Variants in FHIT observed in about 807,000 individuals in gnomAD.
FHIT encodes the protein fragile histidine triad diadenosine triphosphatase.
Under a neutral mutation model 17.9 loss-of-function variants are expected in FHIT, and 19 were observed. That is an observed-to-expected ratio of 1.06 (90% CI 0.74 to 1.56). The LOEUF (loss-of-function observed/expected upper bound fraction) is 1.56, where lower values mean the gene tolerates loss of function less well. Ranked by LOEUF, FHIT falls within the 40% of genes most tolerant of loss-of-function variation. The pLI, the probability that FHIT is intolerant of heterozygous loss-of-function variation, is 0.00. For missense variants in FHIT, 248 were observed against 189.2 expected (o/e 1.31, Z -1.82); for synonymous variants, 81 against 69.7 (o/e 1.16, Z -0.81).
chr3:60,446,469 C>T (rs141516681), intron 5 of FHIT, among the ~76,000 whole-genome samples: 10 of 152,280 alleles, frequency 6.6e-5, no homozygotes, highest in African/African-American at 2.4e-4. Flanking sequence ...GGTTTACACA[C>T]ACTCCATAGG....
intron 5 of FHIT, among the ~76,000 whole-genome samples, chr3:60,462,960 G>A (rs957080833): frequency 2.6e-5 from 4 of 152,146 alleles, no homozygotes; most frequent in African/African-American, 7.2e-5. Flanking sequence ...GATGTGCACT[G>A]ACCACCTCTG....
chr3:60,095,665 G>T (rs1264072173), intron 5 of FHIT, among the ~76,000 whole-genome samples: 1 of 152,206 alleles, frequency 6.6e-6, no homozygotes, highest in East Asian at 1.9e-4. Flanking sequence ...TTTCAATACA[G>T]ATGTTTTTCT....
intron 5 of FHIT, among the ~76,000 whole-genome samples, chr3:60,067,946 C>T (rs755462137): frequency 2.6e-5 from 4 of 152,134 alleles, no homozygotes; most frequent in African/African-American, 9.7e-5. Context: ...TTCAACAAAT[C>T]ACTCAGGGGC....
chr3:60,903,818 G>A (rs17632419), intron 3 of FHIT, among the ~76,000 whole-genome samples: 7,957 of 152,252 alleles, frequency 0.052, 259 homozygotes, highest in South Asian at 0.095. Flanking sequence ...CCAAGAATTG[G>A]ACTGCCAATG....
At chr3:60,458,435 T>C (rs1235080178) in intron 5 of FHIT, among the ~76,000 whole-genome samples, 1 of 132,116 alleles carries the variant, frequency 7.6e-6, no homozygotes, top group African/African-American at 2.8e-5. Flanking sequence ...CAGGGGCTTG[T>C]TGTGGGGTGG....
rs531293037 is a variant in FHIT, at chr3:60,670,990, C to T, written c.-17-134011G>A. Among the ~76,000 whole-genome samples, 4 of 152,272 alleles carry T rather than the reference C, an allele frequency of 2.6e-5. No individual in the cohort carries two copies. The South Asian group carries it at 8.3e-4, about 32-fold the overall frequency. ...TATTATATAGAATAAATACATTGCC[C>T]ACCTTCATTCATCCAGCAAGATGTA... On this transcript the variant is annotated intron_variant, in intron 4 of 9. Transcript: ENST00000492590.
chr3:60,083,441 C>T (rs1197292345), intron 5 of FHIT, among the ~76,000 whole-genome samples: 1 of 152,098 alleles, frequency 6.6e-6, no homozygotes, highest in African/African-American at 2.4e-5. Context: ...TACTCGGGCT[C>T]CTTTTTGGTT....
chr3:59,987,167 A>G (rs1398533556), intron 7 of FHIT, among the ~76,000 whole-genome samples: 2 of 145,258 alleles, frequency 1.4e-5, no homozygotes, highest in African/African-American at 5.0e-5. Context: ...ACATAAAAAT[A>G]TATATTTATA....
intron 4 of FHIT, among the ~76,000 whole-genome samples, chr3:60,591,953 T>C (rs1312676649): frequency 6.6e-6 from 1 of 151,948 alleles, no homozygotes; most frequent in Non-Finnish European, 1.5e-5. Context: ...TAATTTGGGT[T>C]ACATGGTCTA....
intron 5 of FHIT, among the ~76,000 whole-genome samples, chr3:60,222,072 G>T (rs1025291744): frequency 3.4e-4 from 52 of 152,098 alleles, no homozygotes; most frequent in African/African-American, 1.1e-3. Flanking sequence ...AAATTATTGG[G>T]CATGGACAAA....
chr3:59,955,418 A>G (rs1367791795), intron 7 of FHIT, among the ~76,000 whole-genome samples: 2 of 152,100 alleles, frequency 1.3e-5, no homozygotes, highest in African/African-American at 2.4e-5. Context: ...GCTCAATTCT[A>G]TATCCTCTTA....
At chr3:60,433,791 T>C (rs1253164964) in intron 5 of FHIT, among the ~76,000 whole-genome samples, 1 of 152,156 alleles carries the variant, frequency 6.6e-6, no homozygotes, top group Non-Finnish European at 1.5e-5. Context: ...GGCTATTGAG[T>C]TATAGGAATT....
intron 5 of FHIT, among the ~76,000 whole-genome samples, chr3:60,122,111 T>TA (rs72498196): frequency 7.8e-4 from 117 of 149,900 alleles, no homozygotes; most frequent in East Asian, 2.4e-3. Flanking sequence ...AAATTGCAAC[T>TA]AAAAAAAAAC....
At chr3:60,277,651 A>G (rs1167751113) in intron 5 of FHIT, among the ~76,000 whole-genome samples, 3 of 152,150 alleles carry the variant, frequency 2.0e-5, no homozygotes, top group Non-Finnish European at 1.5e-5. Context: ...TATGTAAATC[A>G]GACACCGCCT....
At chr3:60,752,380 G>A (rs1317195936) in intron 4 of FHIT, among the ~76,000 whole-genome samples, 3 of 152,156 alleles carry the variant, frequency 2.0e-5, no homozygotes, top group African/African-American at 7.2e-5. Flanking sequence ...AATCAATTGT[G>A]CATTCGATTT....
intron 3 of FHIT, among the ~76,000 whole-genome samples, chr3:60,893,250 A>G (rs1553761092): frequency 2.0e-5 from 3 of 152,158 alleles, no homozygotes; most frequent in African/African-American, 4.8e-5. Context: ...CTTAGTTCAT[A>G]TGCTTTTCCA....
At chr3:60,055,678 T>TG (rs1702053570) in intron 5 of FHIT, among the ~76,000 whole-genome samples, 2 of 152,334 alleles carry the variant, frequency 1.3e-5, no homozygotes, top group African/African-American at 4.8e-5. Flanking sequence ...CATTCAATCC[T>TG]GGAAACCAAC....
At chr3:60,740,702 G>T (rs892500201) in intron 4 of FHIT, among the ~76,000 whole-genome samples, 10 of 152,162 alleles carry the variant, frequency 6.6e-5, no homozygotes, top group Non-Finnish European at 1.5e-4. Flanking sequence ...CTCCACCAGG[G>T]TTGTTCTCTT....
intron 4 of FHIT, among the ~76,000 whole-genome samples, chr3:60,751,129 A>G (rs534750706): frequency 6.6e-6 from 1 of 152,324 alleles, no homozygotes; most frequent in Admixed American, 6.5e-5. Flanking sequence ...GTAAGTCGAG[A>G]GTGGTTAGAA....
Sources: gnomAD v4.1 joint callset for allele counts (sites outside exome capture counted in the v4.1 genomes callset) on GRCh38, gnomAD v4.1.1 for gene constraint, MANE v1.5 for transcripts, NCBI Gene and HGNC (gene_info 2026-07-23, HGNC 2026-07-21) for gene names.